UNC13B: variants seen among roughly 807,000 people sequenced by gnomAD.
UNC13B encodes unc-13 homolog B, also known as protein unc-13 homolog B.
In UNC13B, 144 loss-of-function variants were observed where a neutral mutation model predicts 211.0. The observed-to-expected ratio is 0.68, with a 90% CI of 0.60 to 0.78. UNC13B has a LOEUF of 0.78. Among genes scored for constraint, UNC13B ranks in the 30% least tolerant of loss-of-function variants. The pLI, the probability that UNC13B is intolerant of heterozygous loss-of-function variation, is 0.00. For synonymous variants in UNC13B, 709 were observed against 725.8 expected, an observed-to-expected ratio of 0.98 and a Z score of 0.37; for missense variants, 1,777 against 2,002.0, an observed-to-expected ratio of 0.89 and a Z score of 2.14.
At chr9:35,260,896 C>T (rs978118718) in intron 7 of UNC13B, among the ~76,000 whole-genome samples, 7 of 152,112 alleles carry the variant, frequency 4.6e-5, no homozygotes, top group Admixed American at 4.6e-4. Flanking sequence ...CCTTCCTGGT[C>T]TCATTGATGA....
chr9:35,201,196 A>C (rs558676320), intron 1 of UNC13B, among the ~76,000 whole-genome samples: 1 of 152,300 alleles, frequency 6.6e-6, no homozygotes, highest in South Asian at 2.1e-4. Context: ...CCACTTGATC[A>C]TGGTGGATAA....
At chr9:35,351,241 A>G (rs566146061) in intron 11 of UNC13B, 2 of 1,066,278 alleles carry the variant, frequency 1.9e-6, no homozygotes, top group Non-Finnish European at 2.3e-6. Context: ...GATTCAAACT[A>G]AAATCATCCT....
chr9:35,353,545 T>C, intron 11 of UNC13B: 1 of 1,232,092 alleles, frequency 8.1e-7, no homozygotes, highest in Non-Finnish European at 1.0e-6. Flanking sequence ...CCCCTCAGGA[T>C]CCAAGCACCT....
Position 35,399,293 on chromosome 9 carries a change from A to T in UNC13B, c.12198+9A>T. 1 of 1,613,614 alleles carries T rather than the reference A, an allele frequency of 6.2e-7. No homozygotes were observed. Among genetic ancestry groups the T allele is most frequent in the Non-Finnish European group, 8.5e-7 (1 of 1,179,896 alleles). ...CACTCACTGACCAGACGGTAAGGAC[A>T]CCTCCTTCCACTTCCTCCTGCTGTC... On this transcript the variant is annotated intron_variant, in intron 34 of 39. Transcript: ENST00000635942.
Position 35,398,192 on chromosome 9 carries a change from G to GCTA in UNC13B, c.11755-17_11755-15dup. The stretch of plus-strand genomic sequence containing the variant: ...TGCTGAAAGGAGCCAAGACTCAACA[G>GCTA]CTACATCTGTCCCCAAAGCCCTGCA... On this transcript the variant is annotated intron_variant, in intron 30 of 39. Transcript: ENST00000635942. 6.2e-7 allele frequency: 1 copy of GCTA among 1,610,040 alleles called. No homozygotes were observed. Among genetic ancestry groups the GCTA allele is most frequent in the Non-Finnish European group, 8.5e-7 (1 of 1,177,308 alleles).
At chr9:35,372,271 CCAAACAAA>C (rs572411831) in intron 13 of UNC13B, among the ~76,000 whole-genome samples, 6 of 152,186 alleles carry the variant, frequency 3.9e-5, no homozygotes, top group African/African-American at 9.6e-5. Context: ...GACTCTGTCT[CCAAACAAA>C]CAAACAAACA....
At chr9:35,280,288 T>G (rs1471231837) in intron 7 of UNC13B, among the ~76,000 whole-genome samples, 1 of 152,098 alleles carries the variant, frequency 6.6e-6, no homozygotes, top group Non-Finnish European at 1.5e-5. Flanking sequence ...TTATTCCTAG[T>G]AGGATAAATG....
rs1829674591 is a variant in UNC13B, at chr9:35,301,365, T to C, written c.1961T>C (p.Val654Ala). 1.3e-5 allele frequency: 5 copies of C among 398,280 alleles called. No individual in the cohort carries two copies. In the East Asian group the frequency reaches 1.8e-4, roughly 14 times the overall value. 24.7% of individuals were successfully genotyped at this position (398,280 alleles called of 1,614,324 possible). A position where few individuals can be genotyped will look rare whatever the true frequency, so the allele number is the denominator to read the frequency against. The change falls in exon 9 of 40, where the codon GTT (valine) becomes GCT (alanine). Residue 654 changes from valine (V) to alanine (A), a missense_variant. Val to Ala is a moderately conservative substitution (Grantham distance 64). Coordinates refer to ENST00000635942, the MANE Select transcript of UNC13B (RefSeq NM_001371189.2). ...PQSQSSVIKS[V>A]FSRLNPLKIF... is the part of the protein sequence containing the mutation. The stretch of plus-strand genomic sequence containing the variant: ...AGTCAGAGTTCAGTTATAAAGTCGG[T>C]TTTCAGCAGGTTAAATCCATTGAAG...
chr9:35,238,127 A>T (rs1825615375), intron 5 of UNC13B, among the ~76,000 whole-genome samples: 1 of 152,224 alleles, frequency 6.6e-6, no homozygotes, highest in Admixed American at 6.5e-5. Context: ...TTGAAAATAA[A>T]CATTTATTGT....
intron 7 of UNC13B, among the ~76,000 whole-genome samples, chr9:35,287,453 A>G (rs2069511626): frequency 6.6e-6 from 1 of 152,120 alleles, no homozygotes; most frequent in Admixed American, 6.5e-5. Flanking sequence ...TCTCGCTAAC[A>G]ATGTACAAGA....
At chr9:35,174,526 G>A (rs560663702) in intron 1 of UNC13B, among the ~76,000 whole-genome samples, 5 of 150,748 alleles carry the variant, frequency 3.3e-5, no homozygotes, top group East Asian at 3.9e-4. Flanking sequence ...GGGTTTTGCC[G>A]TGCTGGCCAG....
chr9:35,204,532 A>C (rs1015408908), intron 1 of UNC13B, among the ~76,000 whole-genome samples: 3 of 152,216 alleles, frequency 2.0e-5, no homozygotes, highest in African/African-American at 7.2e-5. Context: ...GAACTTTCCA[A>C]GGCCTTGGGA....
chr9:35,176,725 G>C (rs992025367), intron 1 of UNC13B, among the ~76,000 whole-genome samples: 1 of 152,114 alleles, frequency 6.6e-6, no homozygotes, highest in Non-Finnish European at 1.5e-5. Flanking sequence ...ATAAAATTAC[G>C]AGTAGGAAAA....
At chr9:35,186,683 T>C (rs2131326585) in intron 1 of UNC13B, among the ~76,000 whole-genome samples, 1 of 152,218 alleles carries the variant, frequency 6.6e-6, no homozygotes, top group East Asian at 1.9e-4. Flanking sequence ...GAAGGCGGTG[T>C]CTGATTTACA....
At chr9:35,219,585 C>T (rs1169844082) in intron 1 of UNC13B, among the ~76,000 whole-genome samples, 1 of 149,572 alleles carries the variant, frequency 6.7e-6, no homozygotes, top group Non-Finnish European at 1.5e-5. Flanking sequence ...CCACTGCACT[C>T]CAGCCTGGGT....
intron 11 of UNC13B, among the ~76,000 whole-genome samples, chr9:35,365,232 CT>C (rs1198413245): frequency 6.6e-6 from 1 of 152,228 alleles, no homozygotes; most frequent in Non-Finnish European, 1.5e-5. Context: ...ATAGTAAACA[CT>C]GTGAATCCTC....
intron 11 of UNC13B, chr9:35,353,066 T>G (rs1832820587): frequency 8.1e-7 from 1 of 1,232,016 alleles, no homozygotes; most frequent in African/African-American, 1.6e-5. Context: ...GGCAGACAAG[T>G]CCAGAAGGCT....
chr9:35,288,388 C>T (rs1828910453), intron 7 of UNC13B, among the ~76,000 whole-genome samples: 1 of 152,194 alleles, frequency 6.6e-6, no homozygotes, highest in Admixed American at 6.5e-5. Flanking sequence ...TAGGTTCTTT[C>T]ATAACTCTGT....
chr9:35,404,266 T>A lies in UNC13B; in HGVS notation c.*233T>A. The A allele has an allele frequency of 1.7e-6, 1 of 575,328 alleles. No individual in the cohort carries two copies. Among genetic ancestry groups the A allele is most frequent in the South Asian group, 2.3e-5 (1 of 43,354 alleles). 35.6% of individuals were successfully genotyped at this position (575,328 alleles called of 1,614,324 possible). A position where few individuals can be genotyped will look rare whatever the true frequency, so the allele number is the denominator to read the frequency against. Reference sequence around the variant, plus strand: ...GGGGCTGGGATGTGGGGTTACCACATGGAGAGATTTTCCATTAAGAGAGAA... The same window carrying A: ...GGGGCTGGGATGTGGGGTTACCACAAGGAGAGATTTTCCATTAAGAGAGAA... On this transcript the variant is annotated 3_prime_UTR_variant, in exon 40 of 40. Coordinates refer to ENST00000635942, the MANE Select transcript of UNC13B (RefSeq NM_001371189.2).
Sources: allele counts gnomAD v4.1 joint callset (sites outside exome capture counted in the v4.1 genomes callset), GRCh38; gene constraint gnomAD v4.1.1; transcripts MANE v1.5; gene names NCBI Gene and HGNC (gene_info 2026-07-23, HGNC 2026-07-21).